SLAMF7: variants seen among roughly 807,000 people sequenced by gnomAD.
The protein encoded by SLAMF7 is 19A24 protein.
Under a neutral mutation model 34.1 loss-of-function variants are expected in SLAMF7, and 26 were observed. The ratio of observed to expected loss-of-function variants is 0.76; its 90% confidence interval spans 0.56 to 1.06. SLAMF7 has a LOEUF of 1.06. Ranked by LOEUF, SLAMF7 falls within the 50% of genes least tolerant of loss-of-function variation. SLAMF7 has a pLI of 0.00. For synonymous variants in SLAMF7, 171 were observed against 156.4 expected (o/e 1.09, Z -0.70); for missense variants, 399 against 402.5 (o/e 0.99, Z 0.07).
rs1309925668 is a variant in SLAMF7, at chr1:160,750,100, G to A, written c.649+7G>A. The A allele has an allele frequency of 1.2e-5, 19 of 1,612,680 alleles. No individual in the cohort carries two copies. Among genetic ancestry groups the A allele is most frequent in the Non-Finnish European group, 1.6e-5 (19 of 1,179,332 alleles). On this transcript the variant is annotated splice_region_variant and intron_variant, in intron 3 of 6. Transcript: ENST00000368043. ...GCCAGGAAGCTCTGTGAAGGTGACTGCCTCTCCCCTCTCCACAGGAGACTC... is the reference window on the plus strand; with the variant it reads ...GCCAGGAAGCTCTGTGAAGGTGACTACCTCTCCCCTCTCCACAGGAGACTC...
chr1:160,752,956 G>A lies in SLAMF7; in HGVS notation c.937-150G>A, dbSNP rs146471072. 2,192 of 654,674 alleles carry A rather than the reference G, an allele frequency of 3.3e-3. 10 individuals are homozygous for A. Among genetic ancestry groups the A allele is most frequent in the Non-Finnish European group, 4.4e-3 (1,619 of 365,328 alleles). The allele number at this position is 654,674 out of a possible 1,614,324, so 40.6% of individuals were successfully genotyped here. A position where few individuals can be genotyped will look rare whatever the true frequency, so the allele number is the denominator to read the frequency against. On this transcript the variant is annotated intron_variant, in intron 6 of 6. Coordinates refer to ENST00000368043, the MANE Select transcript of SLAMF7 (RefSeq NM_021181.5). ...ACAGAATAGTTTCTCTAAGCTAGGGGTGATTAAAATCAAACAGTGGGAGCC... is the reference window on the plus strand; with the variant it reads ...ACAGAATAGTTTCTCTAAGCTAGGGATGATTAAAATCAAACAGTGGGAGCC...
rs1327801737 is a variant in SLAMF7, at chr1:160,750,287, C to T, written c.650-17C>T. The T allele has an allele frequency of 6.2e-7, 1 of 1,612,674 alleles. No homozygotes were observed. The highest frequency in any genetic ancestry group is 8.5e-7 in the Non-Finnish European group (1 of 1,179,484). On this transcript the variant is annotated splice_polypyrimidine_tract_variant and intron_variant, in intron 3 of 6. Transcript: ENST00000368043. ...TGACTTTTCTCCCTTCCCTGTGCCTCCACCCATTCTCTGAAGGTGCTGCTG... is the reference window on the plus strand; with the variant it reads ...TGACTTTTCTCCCTTCCCTGTGCCTTCACCCATTCTCTGAAGGTGCTGCTG...
At chr1:160,751,305 T>TTGGAG (rs752503553) in intron 4 of SLAMF7, 40 bp from the exon 5 acceptor site, 1 of 1,442,006 alleles carries the variant, frequency 6.9e-7, no homozygotes, top group African/African-American at 1.4e-5. Context: ...TGGTGAGTGG[T>TTGGAG]TGGAGAGGTG....
In SLAMF7 at chr1:160,752,679, C is replaced by G. The variant is rs140556881; in HGVS notation, c.937-427C>G. On this transcript the variant is annotated intron_variant, in intron 6 of 6. Coordinates refer to ENST00000368043, the MANE Select transcript of SLAMF7 (RefSeq NM_021181.5). ...CCATGGTCCAGCTATGTTACATCTG[C>G]TTTGCACCCTCCCCTCAGTTAAACT... Among the ~76,000 whole-genome samples, 147 of 152,318 alleles carry G rather than the reference C, an allele frequency of 9.7e-4. 1 individual carries two copies. The highest frequency in any genetic ancestry group is 3.3e-3 in the African/African-American group (137 of 41,576).
In SLAMF7 at chr1:160,739,280, T is replaced by C. The variant is rs952026743; in HGVS notation, c.-22T>C. ...TAAGAGGGAAGTGGCTTCATTTCAGTGGCTGACTTCCAGAGAGCAATATGG... is the reference window on the plus strand; with the variant it reads ...TAAGAGGGAAGTGGCTTCATTTCAGCGGCTGACTTCCAGAGAGCAATATGG... On this transcript the variant is annotated 5_prime_UTR_variant, in exon 1 of 7. Coordinates refer to ENST00000368043, the MANE Select transcript of SLAMF7 (RefSeq NM_021181.5). The C allele has an allele frequency of 6.8e-6, 11 of 1,612,880 alleles. No homozygotes were observed. In the African/African-American group the frequency reaches 1.1e-4, roughly 16 times the overall value.
chr1:160,739,960 T>A (rs374460115), intron 1 of SLAMF7, among the ~76,000 whole-genome samples: 3 of 152,278 alleles, frequency 2.0e-5, no homozygotes, highest in East Asian at 1.9e-4. Flanking sequence ...TTCTAGTCTT[T>A]GAAGATTTTT....
chr1:160,741,486 C>T (rs1157771518), intron 1 of SLAMF7, among the ~76,000 whole-genome samples: 3 of 152,156 alleles, frequency 2.0e-5, no homozygotes, highest in Admixed American at 1.3e-4. Flanking sequence ...AATTACACTG[C>T]TCTTTCGTGA....
rs763516762 is a variant in SLAMF7 at position 160,748,321 on chromosome 1, C to G, written c.183C>G (p.Val61=). The change falls in exon 2 of 7, where the codon GTC becomes GTG. Residue 61 remains valine (V), a synonymous_variant. Coordinates refer to ENST00000368043, the MANE Select transcript of SLAMF7 (RefSeq NM_021181.5). ...IVWTFNTTPL[V]TIQPEGGTII... ...GGACCTTCAACACAACCCCTCTTGT[C>G]ACCATACAGCCAGAAGGGGGCACTA... is the stretch of plus-strand genomic sequence containing the variant. 1 of 1,613,954 alleles carries G rather than the reference C, an allele frequency of 6.2e-7. No homozygotes were observed. The highest frequency in any genetic ancestry group is 1.3e-5 in the African/African-American group (1 of 74,902).
intron 1 of SLAMF7, among the ~76,000 whole-genome samples, chr1:160,747,303 T>A (rs543523374): frequency 6.6e-6 from 1 of 152,302 alleles, no homozygotes; most frequent in African/African-American, 2.4e-5. Context: ...GTGGCTTGAG[T>A]AAGTCATTTA....
At chr1:160,741,248 C>G (rs994874486) in intron 1 of SLAMF7, among the ~76,000 whole-genome samples, 4 of 151,926 alleles carry the variant, frequency 2.6e-5, no homozygotes. Context: ...ACAGTAGTGT[C>G]AAGGAGACAA....
At chr1:160,745,859 T>C (rs114091695) in intron 1 of SLAMF7, among the ~76,000 whole-genome samples, 1,842 of 152,358 alleles carry the variant, frequency 0.012, 30 homozygotes, top group African/African-American at 0.042. Flanking sequence ...AAACGTTTGG[T>C]GCAGAATAAA....
intron 6 of SLAMF7, among the ~76,000 whole-genome samples, chr1:160,752,830 T>C (rs1382615986): frequency 6.6e-6 from 1 of 152,212 alleles, no homozygotes; most frequent in Non-Finnish European, 1.5e-5. Flanking sequence ...ATTAAAGCAG[T>C]TTGCTTAGTA....
chr1:160,750,215 G>A (rs1370660835), intron 3 of SLAMF7, 89 bp from the exon 4 acceptor site: 1 of 1,580,924 alleles, frequency 6.3e-7, no homozygotes, highest in East Asian at 2.2e-5. Context: ...TCACCAGGCT[G>A]GGAGGAAGGT....
chr1:160,748,097 A>G, intron 1 of SLAMF7, 97 bp from the exon 2 acceptor site: 1 of 1,240,070 alleles, frequency 8.1e-7, no homozygotes, highest in Non-Finnish European at 1.1e-6. Context: ...TGTTGGACTG[A>G]GTGGGTTTCT....
Position 160,751,472 on chromosome 1 carries a change from G to A in SLAMF7, c.873+24G>A, listed in dbSNP as rs767585824. 70 of 1,571,034 alleles carry A rather than the reference G, an allele frequency of 4.5e-5. No homozygotes were observed. In the South Asian group the frequency reaches 7.4e-4, roughly 17 times the overall value. Reference sequence around the variant, plus strand: ...ATGTGAGTCCCTTCTCATCTTTCCTGAGAACTGATCCTGTCTCTGAGGCTC... The same window carrying A: ...ATGTGAGTCCCTTCTCATCTTTCCTAAGAACTGATCCTGTCTCTGAGGCTC... On this transcript the variant is annotated intron_variant, in intron 5 of 6. Transcript: ENST00000368043.
Position 160,748,279 on chromosome 1 carries a change from A to T in SLAMF7, c.141A>T (p.Gln47His). ...TCCCCCTGAAGTCCAAAGTAAAGCAAGTTGACTCTATTGTCTGGACCTTCA... is the reference window on the plus strand; with the variant it reads ...TCCCCCTGAAGTCCAAAGTAAAGCATGTTGACTCTATTGTCTGGACCTTCA... The part of the protein sequence containing the change: ...VTFPLKSKVK[Q>H]VDSIVWTFNT... The change falls in exon 2 of 7, where the codon CAA (glutamine) becomes CAT (histidine). Residue 47 changes from glutamine (Q) to histidine (H), a missense_variant. Transcript: ENST00000368043. 5 of 1,614,056 alleles carry T rather than the reference A, an allele frequency of 3.1e-6. No homozygotes were observed. The highest frequency in any genetic ancestry group is 4.2e-6 in the Non-Finnish European group (5 of 1,179,962).
At chr1:160,751,842 CTCTCTCTCTCTCTCTCTCTCTATA>C (rs1664616809) in intron 5 of SLAMF7, 3 of 60,980 alleles carry the variant, frequency 4.9e-5, no homozygotes, top group Admixed American at 1.8e-4. Context: ...CTCTCTCTCT[CTCTCTCTCTCTCTCTCTCTCTATA>C]TATATATATA....
At chr1:160,748,957 C>T (rs1476721722) in intron 2 of SLAMF7, among the ~76,000 whole-genome samples, 1 of 152,170 alleles carries the variant, frequency 6.6e-6, no homozygotes, top group Non-Finnish European at 1.5e-5. Context: ...ATTAAAATAT[C>T]AGCATATTTC....
Position 160,753,464 on chromosome 1 carries a change from T to A in SLAMF7, c.*287T>A. On this transcript the variant is annotated 3_prime_UTR_variant, in exon 7 of 7. Coordinates refer to ENST00000368043, the MANE Select transcript of SLAMF7 (RefSeq NM_021181.5). ...AAAAAAGTGCTTAGAAGTATTCCTATAAAAATGTAAATGCAAGGTCACACA... is the reference window on the plus strand; with the variant it reads ...AAAAAAGTGCTTAGAAGTATTCCTAAAAAAATGTAAATGCAAGGTCACACA... 1 of 436,920 alleles carries A rather than the reference T, an allele frequency of 2.3e-6. No homozygotes were observed. Among genetic ancestry groups the A allele is most frequent in the Non-Finnish European group, 4.1e-6 (1 of 242,426 alleles). The allele number at this position is 436,920 out of a possible 1,614,324, so 27.1% of individuals were successfully genotyped here.
Sources: allele counts gnomAD v4.1 joint callset (sites outside exome capture counted in the v4.1 genomes callset), GRCh38; gene constraint gnomAD v4.1.1; transcripts MANE v1.5; gene names NCBI Gene and HGNC (gene_info 2026-07-23, HGNC 2026-07-21).